PTPRQ: variants seen among roughly 807,000 people sequenced by gnomAD.
PTPRQ encodes the protein phosphatidylinositol phosphatase PTPRQ.
Under a neutral mutation model 246.0 loss-of-function variants are expected in PTPRQ, and 199 were observed. The observed-to-expected ratio is 0.81, with a 90% CI of 0.72 to 0.91. The LOEUF is 0.91. Ranked by LOEUF, PTPRQ falls within the 40% of genes least tolerant of loss-of-function variation. The pLI, the probability that PTPRQ is intolerant of heterozygous loss-of-function variation, is 0.00. For missense variants in PTPRQ, 2,624 were observed against 2,528.4 expected, an observed-to-expected ratio of 1.04 and a Z score of -0.81; for synonymous variants, 869 against 853.2, an observed-to-expected ratio of 1.02 and a Z score of -0.32.
Position 80,662,081 on chromosome 12 carries a change from C to T in PTPRQ, c.6192+4020C>T, listed in dbSNP as rs368605481. On this transcript the variant is annotated intron_variant, in intron 39 of 44. Transcript: ENST00000644991. Reference sequence around the variant, plus strand: ...TCTTCTATACAAATTTAATGAAATACCTTATCTTCACTAAACTTAATGCTA... The same window carrying T: ...TCTTCTATACAAATTTAATGAAATATCTTATCTTCACTAAACTTAATGCTA... Among the ~76,000 whole-genome samples the T allele has an allele frequency of 3.9e-5, 6 of 151,938 alleles. No individual in the cohort carries two copies. In the South Asian group the frequency reaches 1.0e-3, roughly 26 times the overall value.
At chr12:80,446,197 T>C (rs1052657809) in intron 3 of PTPRQ, among the ~76,000 whole-genome samples, 1 of 151,208 alleles carries the variant, frequency 6.6e-6, no homozygotes, top group East Asian at 1.9e-4. Flanking sequence ...CGTATGAAAA[T>C]TGTATAATAA....
At position 80,616,230 on chromosome 12, in the gene PTPRQ, C is replaced by G. The variant is rs954344999; in HGVS notation, c.5194C>G (p.Pro1732Ala). ...CGCAGTCAATAGTGCTGGTGCAGGT[C>G]CAAAGGTTCCGATGAGAATAACCAT... ...VYAVNSAGAG[P>A]KVPMRITMDI... The change falls in exon 30 of 45, where the codon CCA becomes GCA. Residue 1732 changes from proline to alanine, a missense_variant. Coordinates refer to ENST00000644991, the MANE Select transcript of PTPRQ (RefSeq NM_001145026.2). 5 of 1,491,016 alleles carry G rather than the reference C, an allele frequency of 3.4e-6. No individual in the cohort carries two copies. The highest frequency in any genetic ancestry group is 2.3e-5 in the Admixed American group (1 of 42,778). 92.4% of individuals were successfully genotyped at this position (1,491,016 alleles called of 1,614,324 possible).
At chr12:80,469,643 T>TCATCACC (rs1893560914) in intron 7 of PTPRQ, among the ~76,000 whole-genome samples, 1 of 152,206 alleles carries the variant, frequency 6.6e-6, no homozygotes. Flanking sequence ...TATGAATCAC[T>TCATCACC]CATCACCATC....
intron 35 of PTPRQ, among the ~76,000 whole-genome samples, chr12:80,642,629 A>G (rs1380576592): frequency 6.6e-6 from 1 of 152,194 alleles, no homozygotes; most frequent in East Asian, 1.9e-4. Context: ...AAAAATAAAT[A>G]ACAATTGAGG....
At chr12:80,520,988 G>C (rs1238002928) in intron 17 of PTPRQ, among the ~76,000 whole-genome samples, 1 of 151,818 alleles carries the variant, frequency 6.6e-6, no homozygotes, top group Non-Finnish European at 1.5e-5. Flanking sequence ...CAGTGTAAAA[G>C]TGTTCCTATT....
chr12:80,640,775 C>T (rs1428402299), intron 35 of PTPRQ, among the ~76,000 whole-genome samples: 1 of 152,128 alleles, frequency 6.6e-6, no homozygotes, highest in Non-Finnish European at 1.5e-5. Context: ...CTATTTACAA[C>T]ATGTCCTTTA....
At chr12:80,636,455 CT>C (rs1398307596) in intron 35 of PTPRQ, among the ~76,000 whole-genome samples, 2 of 152,178 alleles carry the variant, frequency 1.3e-5, no homozygotes, top group Non-Finnish European at 2.9e-5. Context: ...GTTTTTCCTC[CT>C]TTTCCCCTAT....
At chr12:80,484,946 T>C (rs1894224305) in intron 9 of PTPRQ, among the ~76,000 whole-genome samples, 1 of 152,186 alleles carries the variant, frequency 6.6e-6, no homozygotes, top group Admixed American at 6.5e-5. Context: ...TCAAAGGCTG[T>C]GCTTGCAATT....
intron 17 of PTPRQ, among the ~76,000 whole-genome samples, chr12:80,527,881 C>T (rs979895071): frequency 2.6e-5 from 4 of 152,052 alleles, no homozygotes; most frequent in African/African-American, 7.2e-5. Context: ...ATGGCTTGAA[C>T]CCAGGAGTTT....
At chr12:80,594,032 A>G (rs1424598711) in intron 26 of PTPRQ, among the ~76,000 whole-genome samples, 1 of 152,202 alleles carries the variant, frequency 6.6e-6, no homozygotes, top group Non-Finnish European at 1.5e-5. Flanking sequence ...AGGTTAAAAA[A>G]AATTCAACAA....
At chr12:80,621,170 G>A (rs997463789) in intron 32 of PTPRQ, among the ~76,000 whole-genome samples, 1 of 151,626 alleles carries the variant, frequency 6.6e-6, no homozygotes, top group East Asian at 1.9e-4. Context: ...GAGAAATTAG[G>A]CAAATAAAAA....
intron 24 of PTPRQ, 67 bp downstream of exon 24, chr12:80,546,764 A>C (rs1219583503): frequency 3.3e-6 from 5 of 1,503,812 alleles, no homozygotes; most frequent in Non-Finnish European, 8.9e-7. Context: ...TCCTTTTCTT[A>C]GTTTATATGA....
intron 17 of PTPRQ, among the ~76,000 whole-genome samples, chr12:80,518,251 T>C (rs1895365325): frequency 6.6e-6 from 1 of 152,190 alleles, no homozygotes; most frequent in Non-Finnish European, 1.5e-5. Context: ...TGAGCACCTT[T>C]TCATAAGCCC....
rs188240854 is a variant in PTPRQ at position 80,487,973 on chromosome 12, G to A, written c.1359+3368G>A. On this transcript the variant is annotated intron_variant, in intron 9 of 44. Transcript: ENST00000644991. ...GTGTTCTCATCTGGAGGCTTGACTA[G>A]GGAAGAATCTACTTGCAGCCTCATT... 2.0e-5 allele frequency among the ~76,000 whole-genome samples: 3 copies of A among 152,140 alleles called. No individual in the cohort carries two copies. In the East Asian group the frequency reaches 5.8e-4, roughly 29 times the overall value.
chr12:80,468,065 A>G (rs1435468015), intron 6 of PTPRQ, among the ~76,000 whole-genome samples: 1 of 152,200 alleles, frequency 6.6e-6, no homozygotes, highest in Non-Finnish European at 1.5e-5. Context: ...GAAATTTGCT[A>G]GACAATAATT....
chr12:80,514,826 G>C (rs914245128), intron 17 of PTPRQ, among the ~76,000 whole-genome samples: 1 of 146,298 alleles, frequency 6.8e-6, no homozygotes, highest in Admixed American at 6.9e-5. Flanking sequence ...TAAGAATAGT[G>C]ATGCTTTTTC....
At chr12:80,454,722 G>C (rs58822047) in intron 3 of PTPRQ, among the ~76,000 whole-genome samples, 2 of 151,602 alleles carry the variant, frequency 1.3e-5, no homozygotes, top group Non-Finnish European at 2.9e-5. Context: ...CTGTTGAGAC[G>C]ATCATATGGC....
At chr12:80,459,248 C>G (rs1893071899) in intron 4 of PTPRQ, 36 bp from the exon 5 acceptor site, 1 of 397,996 alleles carries the variant, frequency 2.5e-6, no homozygotes, top group African/African-American at 2.1e-5. Context: ...AGTTTTATAA[C>G]AAAGTTTTTT....
intron 33 of PTPRQ, among the ~76,000 whole-genome samples, chr12:80,623,589 A>C (rs1899078479): frequency 6.6e-6 from 1 of 152,158 alleles, no homozygotes; most frequent in Non-Finnish European, 1.5e-5. Context: ...ACTTCAGCTA[A>C]GTAGTGATCC....
Sources: gnomAD v4.1 joint callset for allele counts (sites outside exome capture counted in the v4.1 genomes callset) on GRCh38, gnomAD v4.1.1 for gene constraint, MANE v1.5 for transcripts, NCBI Gene and HGNC (gene_info 2026-07-23, HGNC 2026-07-21) for gene names.